CLDN10: variants seen among roughly 807,000 people sequenced by gnomAD.
The protein encoded by CLDN10 is claudin-10.
Under a neutral mutation model 22.9 loss-of-function variants are expected in CLDN10, and 15 were observed. The ratio of observed to expected loss-of-function variants is 0.65; its 90% CI spans 0.44 to 1.01. The LOEUF (loss-of-function observed/expected upper bound fraction) is 1.01, where lower values mean the gene tolerates loss of function less well. Ranked by LOEUF, CLDN10 falls within the 50% of genes least tolerant of loss-of-function variation. The pLI, the probability that CLDN10 is intolerant of heterozygous loss-of-function variation, is 0.00. For synonymous variants in CLDN10, 114 were observed against 111.4 expected (o/e 1.02, Z -0.15); for missense variants, 247 against 287.8 (o/e 0.86, Z 1.03).
At chr13:95,555,757 A>G (rs2043630959) in intron 1 of CLDN10, among the ~76,000 whole-genome samples, 1 of 151,972 alleles carries the variant, frequency 6.6e-6, no homozygotes, top group Non-Finnish European at 1.5e-5. Flanking sequence ...TGTGGAGGGG[A>G]GTTGATTCCC....
At chr13:95,505,467 C>T (rs902352644) in intron 1 of CLDN10, among the ~76,000 whole-genome samples, 1 of 152,160 alleles carries the variant, frequency 6.6e-6, no homozygotes, top group Non-Finnish European at 1.5e-5. Flanking sequence ...AGCTCTCATT[C>T]GTATAAGGAC....
At chr13:95,488,308 A>G (rs907623091) in intron 1 of CLDN10, among the ~76,000 whole-genome samples, 2 of 150,806 alleles carry the variant, frequency 1.3e-5, no homozygotes, top group African/African-American at 4.9e-5. Context: ...TCCCAATGTA[A>G]TAGAATTACA....
chr13:95,508,040 A>T (rs1256350249), intron 1 of CLDN10, among the ~76,000 whole-genome samples: 1 of 152,102 alleles, frequency 6.6e-6, no homozygotes, highest in Non-Finnish European at 1.5e-5. Flanking sequence ...GTGAGCCATG[A>T]TTGTACCACT....
chr13:95,546,970 T>G (rs1198437913), intron 1 of CLDN10, among the ~76,000 whole-genome samples: 1 of 152,108 alleles, frequency 6.6e-6, no homozygotes, highest in Non-Finnish European at 1.5e-5. Context: ...ATTTTTACTT[T>G]TTTAGAGACA....
intron 1 of CLDN10, among the ~76,000 whole-genome samples, chr13:95,554,215 T>C (rs76156506): frequency 0.026 from 3,998 of 152,206 alleles, 176 homozygotes; most frequent in African/African-American, 0.091. Context: ...AGCATTACCG[T>C]TGAATTTCCT....
chr13:95,521,321 G>A (rs2043222426), intron 1 of CLDN10, among the ~76,000 whole-genome samples: 1 of 152,178 alleles, frequency 6.6e-6, no homozygotes. Context: ...TTGGGGATGT[G>A]TATCTACTTT....
intron 1 of CLDN10, among the ~76,000 whole-genome samples, chr13:95,450,396 C>T (rs2042422011): frequency 6.6e-6 from 1 of 152,182 alleles, no homozygotes; most frequent in South Asian, 2.1e-4. Flanking sequence ...CTGTGAGAAT[C>T]CTGCAGGGAT....
intron 1 of CLDN10, among the ~76,000 whole-genome samples, chr13:95,513,162 G>A (rs989805826): frequency 6.6e-6 from 1 of 152,192 alleles, no homozygotes; most frequent in Non-Finnish European, 1.5e-5. Context: ...TTACAGGCAT[G>A]AGCCAACATG....
At chr13:95,526,442 C>T (rs2043281807) in intron 1 of CLDN10, among the ~76,000 whole-genome samples, 1 of 152,160 alleles carries the variant, frequency 6.6e-6, no homozygotes. Context: ...AGGGAAACTT[C>T]AATGTCAGTA....
intron 1 of CLDN10, chr13:95,479,813 T>A (rs1055127322): frequency 6.6e-6 from 1 of 152,222 alleles, no homozygotes; most frequent in Non-Finnish European, 1.5e-5. Context: ...ACTGTCTGTA[T>A]GTACAGCTCC....
At position 95,517,361 on chromosome 13, in the gene CLDN10, C is replaced by T. The variant is rs1320196796; in HGVS notation, c.215-42771C>T. On this transcript the variant is annotated intron_variant, in intron 1 of 4. Transcript: ENST00000376873. ...AACAATGGGAGTGTGTTGGGGTAGA[C>T]ACCCCCCGAACCTAGGGATCCGGTG... 2.6e-5 allele frequency among the ~76,000 whole-genome samples: 4 copies of T among 152,212 alleles called. No homozygotes were observed. In the East Asian group the frequency reaches 7.7e-4, roughly 29 times the overall value.
intron 1 of CLDN10, among the ~76,000 whole-genome samples, chr13:95,477,814 T>A (rs1013803153): frequency 6.6e-6 from 1 of 152,130 alleles, no homozygotes; most frequent in Non-Finnish European, 1.5e-5. Flanking sequence ...TAAGCCATGA[T>A]AAGTACTGGC....
chr13:95,447,479 C>T (rs1010648637), intron 1 of CLDN10, among the ~76,000 whole-genome samples: 2 of 152,188 alleles, frequency 1.3e-5, no homozygotes, highest in African/African-American at 4.8e-5. Flanking sequence ...ATGTCTGGTT[C>T]CAGGTGGTAG....
chr13:95,476,238 T>C (rs1206478809), intron 1 of CLDN10, among the ~76,000 whole-genome samples: 1 of 152,210 alleles, frequency 6.6e-6, no homozygotes, highest in Non-Finnish European at 1.5e-5. Context: ...TCTTAGTCTG[T>C]TCAGGCTGCT....
chr13:95,513,912 C>T (rs920591337), intron 1 of CLDN10, among the ~76,000 whole-genome samples: 4 of 152,172 alleles, frequency 2.6e-5, no homozygotes, highest in Non-Finnish European at 5.9e-5. Context: ...CAGTGAAGAG[C>T]TGGAGCCAGC....
At chr13:95,464,505 TG>T (rs1238694585) in intron 1 of CLDN10, among the ~76,000 whole-genome samples, 1 of 152,220 alleles carries the variant, frequency 6.6e-6, no homozygotes, top group African/African-American at 2.4e-5. Flanking sequence ...CTATGATTGT[TG>T]GACATTTGGG....
intron 1 of CLDN10, among the ~76,000 whole-genome samples, chr13:95,459,163 C>T (rs2042510952): frequency 6.6e-6 from 1 of 152,208 alleles, no homozygotes; most frequent in Admixed American, 6.5e-5. Flanking sequence ...CAGGGTACAA[C>T]CCCACTCCTG....
chr13:95,484,881 A>C (rs71432041), intron 1 of CLDN10, among the ~76,000 whole-genome samples: 1 of 128,606 alleles, frequency 7.8e-6, no homozygotes, highest in Non-Finnish European at 1.6e-5. Context: ...AAAAAAAAAA[A>C]AAAAAAAAAA....
At chr13:95,530,441 G>A (rs2043329366) in intron 1 of CLDN10, among the ~76,000 whole-genome samples, 1 of 152,182 alleles carries the variant, frequency 6.6e-6, no homozygotes. Flanking sequence ...CTCAAGAGCA[G>A]GCAAATCCAT....
Sources: gnomAD v4.1 joint callset for allele counts (sites outside exome capture counted in the v4.1 genomes callset) on GRCh38, gnomAD v4.1.1 for gene constraint, MANE v1.5 for transcripts, NCBI Gene and HGNC (gene_info 2026-07-23, HGNC 2026-07-21) for gene names.